CWH43: variants seen among roughly 807,000 people sequenced by gnomAD.
The protein encoded by CWH43 is cell wall biogenesis 43 C-terminal homolog.
Under a neutral mutation model 85.7 loss-of-function variants are expected in CWH43, and 91 were observed. The observed-to-expected ratio is 1.06, with a 90% CI of 0.90 to 1.26. The LOEUF (loss-of-function observed/expected upper bound fraction) is 1.26, where lower values mean the gene tolerates loss of function less well. Among genes scored for constraint, CWH43 ranks in the 50% most tolerant of loss-of-function variants. The pLI, the probability that CWH43 is intolerant of heterozygous loss-of-function variation, is 0.00. For missense variants in CWH43, 869 were observed against 839.2 expected, an observed-to-expected ratio of 1.04 and a Z score of -0.44; for synonymous variants, 323 against 293.6, an observed-to-expected ratio of 1.10 and a Z score of -1.02.
At chr4:49,016,797 C>A (rs1422422663) in intron 8 of CWH43, 1 of 776,476 alleles carries the variant, frequency 1.3e-6, no homozygotes, top group South Asian at 1.3e-5. Context: ...TACTCCAAGT[C>A]CCTCTGCCAG....
intron 14 of CWH43, among the ~76,000 whole-genome samples, chr4:49,047,334 T>C (rs1196452094): frequency 6.6e-6 from 1 of 152,160 alleles, no homozygotes. Flanking sequence ...GATAAAGCTG[T>C]AAACAAAACA....
chr4:48,988,471 TTG>T lies in CWH43; in HGVS notation c.44-4_44-3del. ...TTTCTCTCTTTAACTTTTTTTTTTTTTGTAGGATGTGTTTCTTGGTCTCTCTA... is the reference window on the plus strand; with the variant it reads ...TTTCTCTCTTTAACTTTTTTTTTTTTTAGGATGTGTTTCTTGGTCTCTCTA... On this transcript the variant is annotated splice_polypyrimidine_tract_variant and splice_region_variant and intron_variant, in intron 1 of 15. Coordinates refer to ENST00000226432, the MANE Select transcript of CWH43 (RefSeq NM_025087.3). The T allele has an allele frequency of 6.4e-7, 1 of 1,557,542 alleles. No individual in the cohort carries two copies. The highest frequency in any genetic ancestry group is 8.6e-7 in the Non-Finnish European group (1 of 1,157,996).
chr4:49,001,972 C>T lies in CWH43; in HGVS notation c.803-1763C>T, dbSNP rs144750551. On this transcript the variant is annotated intron_variant, in intron 6 of 15. Coordinates refer to ENST00000226432, the MANE Select transcript of CWH43 (RefSeq NM_025087.3). ...TTGGTAAAGATTTTTGGTATTATTA[C>T]ATATATTTGGTAAAGATTTTTACCA... Among the ~76,000 whole-genome samples the T allele has an allele frequency of 1.5e-4, 23 of 152,156 alleles. No individual in the cohort carries two copies. In the East Asian group the frequency reaches 4.2e-3, roughly 28 times the overall value.
At chr4:48,991,663 T>G (rs1782663466) in intron 3 of CWH43, 89 bp downstream of exon 3, 1 of 1,460,170 alleles carries the variant, frequency 6.8e-7, no homozygotes, top group Non-Finnish European at 9.3e-7. Flanking sequence ...AGGTTATAGT[T>G]TTTACCTTCC....
chr4:49,038,952 G>A (rs1784349174), intron 13 of CWH43, among the ~76,000 whole-genome samples: 2 of 151,756 alleles, frequency 1.3e-5, no homozygotes, highest in South Asian at 4.2e-4. Flanking sequence ...CAGCTACTCG[G>A]GAGGCTGAGG....
At chr4:49,034,873 T>C (rs1397599131) in intron 12 of CWH43, among the ~76,000 whole-genome samples, 2 of 152,210 alleles carry the variant, frequency 1.3e-5, no homozygotes, top group Non-Finnish European at 2.9e-5. Context: ...TAGTAAGTGC[T>C]CAATTAACAC....
rs752151053 is a variant in CWH43 at position 48,993,858 on chromosome 4, G to A, written c.512-761G>A. On this transcript the variant is annotated intron_variant, in intron 4 of 15. Coordinates refer to ENST00000226432, the MANE Select transcript of CWH43 (RefSeq NM_025087.3). ...CAACCCCTGCCTCCCAGGTTCAAGC[G>A]ATTCTCCTGACTCAGCCTCCCGAGT... Among the ~76,000 whole-genome samples, 3 of 152,058 alleles carry A rather than the reference G, an allele frequency of 2.0e-5. 1 individual carries two copies. The South Asian group carries it at 6.2e-4, about 32-fold the overall frequency.
intron 8 of CWH43, among the ~76,000 whole-genome samples, chr4:49,013,082 A>G (rs1783418082): frequency 6.6e-6 from 1 of 152,218 alleles, no homozygotes; most frequent in African/African-American, 2.4e-5. Context: ...TTGTTCAGCT[A>G]TGCCTGGCCC....
rs1329810322 is a variant in CWH43, at chr4:49,007,283, T to C, written c.1143T>C (p.Ser381=). The change falls in exon 8 of 16, where the codon AGT becomes AGC. Residue 381 remains serine (S), a synonymous_variant. Transcript: ENST00000226432. The part of the protein sequence containing the change: ...NLDLLLQTKN[S]SKVLFRKSEK... ...ACTTGCTTCTTCAAACAAAAAACAG[T>C]TCTAAAGTGCTTTTCAGAAAGAGTG... 15 of 1,610,560 alleles carry C rather than the reference T, an allele frequency of 9.3e-6. No individual in the cohort carries two copies. Among genetic ancestry groups the C allele is most frequent in the Non-Finnish European group, 1.3e-5 (15 of 1,178,424 alleles).
At chr4:48,994,277 T>C (rs552520421) in intron 4 of CWH43, among the ~76,000 whole-genome samples, 6 of 152,334 alleles carry the variant, frequency 3.9e-5, no homozygotes, top group African/African-American at 1.4e-4. Context: ...CTGGAAATGT[T>C]CCACTCAATT....
chr4:49,059,742 G>T (rs901369075), intron 15 of CWH43, among the ~76,000 whole-genome samples: 2 of 152,132 alleles, frequency 1.3e-5, no homozygotes, highest in African/African-American at 4.8e-5. Context: ...GGTCTCTGGG[G>T]GCCAGCCTGG....
Position 49,050,846 on chromosome 4 carries a change from C to T in CWH43, c.2018C>T (p.Pro673Leu). The T allele has an allele frequency of 1.2e-6, 2 of 1,610,414 alleles. No individual in the cohort carries two copies. Among genetic ancestry groups the T allele is most frequent in the African/African-American group, 2.7e-5 (2 of 74,800 alleles). ...GTTTCTGAGAAAATTCATTTTAATC[C>T]CAGGTGAGTTCCTTTATGCTGTAGT... is the stretch of plus-strand genomic sequence containing the variant. Reference protein sequence around the residue: ...REVSEKIHFNPRFGSYKEGHN... With the variant: ...REVSEKIHFNLRFGSYKEGHN... Residue 673 changes from proline to leucine, a missense_variant, in exon 15 of 16, where the codon CCC becomes CTC. Around this residue, in one of 3 missense-constraint regions of CWH43, gnomAD observed 577 missense variants for 513.1 expected, o/e 1.12. Transcript: ENST00000226432.
chr4:49,040,910 T>G (rs1041170804), intron 13 of CWH43, among the ~76,000 whole-genome samples: 1 of 152,220 alleles, frequency 6.6e-6, no homozygotes, highest in African/African-American at 2.4e-5. Context: ...CATCTTGAAT[T>G]AATTTTTGTA....
Position 49,016,881 on chromosome 4 carries a change from A to G in CWH43, c.1187-368A>G, listed in dbSNP as rs1165868532. 4 of 784,820 alleles carry G rather than the reference A, an allele frequency of 5.1e-6. No homozygotes were observed. In the Admixed American group the frequency reaches 6.8e-5, roughly 13 times the overall value. 48.6% of individuals were successfully genotyped at this position (784,820 alleles called of 1,614,324 possible). A position where few individuals can be genotyped will look rare whatever the true frequency, so the allele number is the denominator to read the frequency against. On this transcript the variant is annotated intron_variant, in intron 8 of 15. Transcript: ENST00000226432. ...ATGCCTTCTCTCCGAGTGCCCCAGG[A>G]CTACCCACGTAGCTCTGCAGTCTTT...
At chr4:49,038,830 G>A (rs1380867930) in intron 13 of CWH43, among the ~76,000 whole-genome samples, 11 of 151,732 alleles carry the variant, frequency 7.2e-5, no homozygotes, top group Non-Finnish European at 8.8e-5. Flanking sequence ...AGGCTGAGGC[G>A]GGCGGATCAC....
At position 49,003,957 on chromosome 4, in the gene CWH43, G is replaced by A. The variant is rs759423464; in HGVS notation, c.1025G>A (p.Gly342Asp). 1.2e-6 allele frequency: 2 copies of A among 1,613,156 alleles called. No homozygotes were observed. The highest frequency in any genetic ancestry group is 3.3e-5 in the Admixed American group (2 of 59,926). Reference sequence around the variant, plus strand: ...ACAGCTTTTAAGTTTGTCCCAGGAGGTGTCTACGCTAGAGAAAGATCAGAT... The same window carrying A: ...ACAGCTTTTAAGTTTGTCCCAGGAGATGTCTACGCTAGAGAAAGATCAGAT... ...WCTAFKFVPG[G>D]VYARERSDVL... The change falls in exon 7 of 16, where the codon GGT becomes GAT. Residue 342 changes from glycine to aspartate, a missense_variant. By Grantham distance (94) the Gly-to-Asp change is moderately conservative. Transcript: ENST00000226432.
At position 49,046,870 on chromosome 4, in the gene CWH43, C is replaced by T. The variant is rs554893819; in HGVS notation, c.1865+2023C>T. Among the ~76,000 whole-genome samples, 4 of 152,170 alleles carry T rather than the reference C, an allele frequency of 2.6e-5. No individual in the cohort carries two copies. The East Asian group carries it at 7.7e-4, about 29-fold the overall frequency. ...TTCCACAGAGGGAACATGCTGGAGA[C>T]CTTCCCTGAAACACTCAAGGGTTCT... On this transcript the variant is annotated intron_variant, in intron 14 of 15. Transcript: ENST00000226432.
In CWH43 at chr4:48,992,261, G is replaced by A. The variant is rs1273315210; in HGVS notation, c.511+171G>A. Among the ~76,000 whole-genome samples the A allele has an allele frequency of 6.6e-6, 1 of 152,236 alleles. No homozygotes were observed. The highest frequency in any genetic ancestry group is 2.4e-5 in the African/African-American group (1 of 41,462). On this transcript the variant is annotated intron_variant, in intron 4 of 15. Transcript: ENST00000226432. This position sits in a 1 kb window ranked among gnomAD's most constrained non-coding sequence, Gnocchi z 4.3. ...GTGCAGCCAGTGGGCTATTTGCTAA[G>A]CAGGAGGCACATTTTCCTTGCCTGT... is the stretch of plus-strand genomic sequence containing the variant.
Position 49,055,913 on chromosome 4 carries a change from C to CTT in CWH43, c.2021+5077_2021+5078dup, listed in dbSNP as rs71191286. Among the ~76,000 whole-genome samples, 472 of 142,000 alleles carry CTT rather than the reference C, an allele frequency of 3.3e-3. 2 individuals carry two copies. The highest frequency in any genetic ancestry group is 0.012 in the African/African-American group (452 of 38,600). The allele number at this position is 142,000 out of a possible 152,430, so 93.2% of individuals were successfully genotyped here. A position where few individuals can be genotyped will look rare whatever the true frequency, so the allele number is the denominator to read the frequency against. The stretch of plus-strand genomic sequence containing the variant: ...TGGTCAATCTAATTTTTCTTTTTTT[C>CTT]TTTTTTTTTTTTTTATTATACTCTA... On this transcript the variant is annotated intron_variant, in intron 15 of 15. Coordinates refer to ENST00000226432, the MANE Select transcript of CWH43 (RefSeq NM_025087.3).
Sources: allele counts gnomAD v4.1 joint callset (sites outside exome capture counted in the v4.1 genomes callset), GRCh38; gene constraint gnomAD v4.1.1; regional missense constraint gnomAD v4.1.1; non-coding constraint Gnocchi (gnomAD v3.1); transcripts MANE v1.5; gene names NCBI Gene and HGNC (gene_info 2026-07-23, HGNC 2026-07-21).